Variants in SFMBT2 observed in about 807,000 individuals in gnomAD.
SFMBT2 encodes the protein scm-like with four MBT domains protein 2.
SFMBT2 carries 38 observed loss-of-function variants against 110.1 expected under a neutral mutation model. The ratio of observed to expected loss-of-function variants is 0.35; its 90% confidence interval spans 0.27 to 0.45. The LOEUF (loss-of-function observed/expected upper bound fraction) is 0.45. Among genes scored for constraint, SFMBT2 ranks in the 20% least tolerant of loss-of-function variants. The pLI is 1.00. For missense variants in SFMBT2, 1,011 were observed against 1,094.9 expected, an observed-to-expected ratio of 0.92 and a Z score of 1.08; for synonymous variants, 425 against 425.4, an observed-to-expected ratio of 1.00 and a Z score of 0.01.
At chr10:7,374,849 G>GT (rs1200841893) in intron 2 of SFMBT2, among the ~76,000 whole-genome samples, 2 of 152,130 alleles carry the variant, frequency 1.3e-5, no homozygotes, top group African/African-American at 4.8e-5. Flanking sequence ...AATGGGTCAC[G>GT]TACAACCCTT....
chr10:7,352,710 C>G (rs553997298), intron 4 of SFMBT2, among the ~76,000 whole-genome samples: 7 of 152,246 alleles, frequency 4.6e-5, no homozygotes, highest in South Asian at 4.1e-4. Flanking sequence ...AAATGGCCAA[C>G]AAATAAATAA....
chr10:7,242,380 G>A (rs763666004), intron 9 of SFMBT2, among the ~76,000 whole-genome samples: 7 of 152,136 alleles, frequency 4.6e-5, no homozygotes, highest in Non-Finnish European at 8.8e-5. Flanking sequence ...ACAGTCCCAG[G>A]ACCCAAGCTC....
intron 4 of SFMBT2, among the ~76,000 whole-genome samples, chr10:7,332,898 G>A (rs1487839307): frequency 6.6e-6 from 1 of 152,206 alleles, no homozygotes; most frequent in Non-Finnish European, 1.5e-5. Context: ...ACGGACTCTT[G>A]CTCTGTTGCC....
intron 11 of SFMBT2, among the ~76,000 whole-genome samples, chr10:7,213,857 G>A (rs1055572261): frequency 3.3e-5 from 5 of 152,222 alleles, no homozygotes; most frequent in Admixed American, 6.5e-5. Context: ...TGTGCACAGC[G>A]TGACCGTCCA....
chr10:7,242,136 TC>T (rs1025178383), intron 9 of SFMBT2, among the ~76,000 whole-genome samples: 7 of 152,250 alleles, frequency 4.6e-5, no homozygotes, highest in African/African-American at 1.7e-4. Flanking sequence ...GCGAAGGACT[TC>T]CCACCTACTA....
intron 4 of SFMBT2, among the ~76,000 whole-genome samples, chr10:7,344,227 C>G (rs1844027704): frequency 1.3e-5 from 2 of 152,110 alleles, no homozygotes; most frequent in Admixed American, 1.3e-4. Flanking sequence ...AGGTGAGTTC[C>G]GTGTGGGTGG....
chr10:7,366,710 G>C (rs533221963), intron 4 of SFMBT2, among the ~76,000 whole-genome samples: 1 of 152,240 alleles, frequency 6.6e-6, no homozygotes, highest in Admixed American at 6.5e-5. Context: ...TTCTCACTTA[G>C]GGGATCAGAT....
chr10:7,364,858 G>A (rs575491325), intron 4 of SFMBT2, among the ~76,000 whole-genome samples: 1 of 152,334 alleles, frequency 6.6e-6, no homozygotes, highest in African/African-American at 2.4e-5. Context: ...GTGCAGAGTT[G>A]GGGATGGGGG....
rs906585046 is a variant in SFMBT2 at position 7,205,898 on chromosome 10, A to G, written c.1361T>C (p.Val454Ala). ...GLQTPVPEVI[V>A]DVESMDIFPV... Reference sequence around the variant, plus strand: ...GAAGATGTCCATGGATTCCACATCAACAATGACCTCTGGAACAGGAGTCTG... The same window carrying G: ...GAAGATGTCCATGGATTCCACATCAGCAATGACCTCTGGAACAGGAGTCTG... Residue 454 changes from valine (V) to alanine (A), a missense_variant, in exon 12 of 21, where the codon GTT becomes GCT. By Grantham distance (64) the Val-to-Ala change is moderately conservative (BLOSUM62 0). Around this residue, in one of 2 missense-constraint regions of SFMBT2, gnomAD observed 979 missense variants for 1,016.1 expected, o/e 0.96. Coordinates refer to ENST00000397167, the MANE Select transcript of SFMBT2 (RefSeq NM_001387889.1). The G allele has an allele frequency of 1.1e-5, 17 of 1,613,994 alleles. No individual in the cohort carries two copies. The highest frequency in any genetic ancestry group is 1.4e-5 in the Non-Finnish European group (17 of 1,179,962).
intron 4 of SFMBT2, among the ~76,000 whole-genome samples, chr10:7,307,102 CT>C (rs1330948049): frequency 6.6e-6 from 1 of 152,098 alleles, no homozygotes; most frequent in Non-Finnish European, 1.5e-5. Context: ...TTTACATAAG[CT>C]TCAAAACACA....
chr10:7,259,428 C>G (rs1466994200), intron 7 of SFMBT2, among the ~76,000 whole-genome samples: 1 of 152,228 alleles, frequency 6.6e-6, no homozygotes, highest in Non-Finnish European at 1.5e-5. Context: ...CAGGGATGGT[C>G]AGCCTCAACA....
At chr10:7,179,391 G>GA (rs57497418) in intron 16 of SFMBT2, among the ~76,000 whole-genome samples, 2,688 of 70,148 alleles carry the variant, frequency 0.038, 198 homozygotes, top group African/African-American at 0.078. Context: ...TTGCATTTTC[G>GA]AAAAAAAAAA....
intron 14 of SFMBT2, among the ~76,000 whole-genome samples, chr10:7,198,858 TG>T: frequency 6.6e-6 from 1 of 152,072 alleles, no homozygotes; most frequent in East Asian, 2.0e-4. Flanking sequence ...CTGGCCAACA[TG>T]GTGAGACCTC....
chr10:7,205,956 G>A, intron 11 of SFMBT2, 28 bp from the exon 12 acceptor site: 6 of 1,612,492 alleles, frequency 3.7e-6, no homozygotes, highest in South Asian at 1.1e-5. Flanking sequence ...GAAACAAGAG[G>A]TACAAACAGA....
chr10:7,171,841 G>C lies in SFMBT2; in HGVS notation c.2415+54C>G. 7.3e-7 allele frequency: 1 copy of C among 1,371,088 alleles called. No individual in the cohort carries two copies. Among genetic ancestry groups the C allele is most frequent in the Non-Finnish European group, 9.4e-7 (1 of 1,062,532 alleles). 84.9% of individuals were successfully genotyped at this position (1,371,088 alleles called of 1,614,324 possible). A position where few individuals can be genotyped will look rare whatever the true frequency, so the allele number is the denominator to read the frequency against. ...ACATCGTGGCCCTGAAGTGTAACAG[G>C]TGTGCTTCTTCAGACCCAGCGGGAA... On this transcript the variant is annotated intron_variant, in intron 19 of 20. Coordinates refer to ENST00000397167, the MANE Select transcript of SFMBT2 (RefSeq NM_001387889.1). The surrounding 1 kb of genome is among the most constrained non-coding windows in gnomAD (Gnocchi z 4.9).
At chr10:7,297,738 GGAAGA>G (rs767335799) in intron 4 of SFMBT2, among the ~76,000 whole-genome samples, 5 of 152,182 alleles carry the variant, frequency 3.3e-5, no homozygotes, top group Non-Finnish European at 7.3e-5. Context: ...GCTTCAAATA[GGAAGA>G]GAAAACTGAA....
At chr10:7,226,120 C>T (rs1310710806) in intron 10 of SFMBT2, among the ~76,000 whole-genome samples, 4 of 152,164 alleles carry the variant, frequency 2.6e-5, no homozygotes, top group Admixed American at 6.5e-5. Context: ...GCGGAGAGCC[C>T]GGACTGGGAA....
rs1837474683 is a variant in SFMBT2 at position 7,158,645 on chromosome 10, T to A, written c.*5125A>T. 6.6e-6 allele frequency: 1 copy of A among 152,236 alleles called. No individual in the cohort carries two copies. Among genetic ancestry groups the A allele is most frequent in the Non-Finnish European group, 1.5e-5 (1 of 68,042 alleles). The allele number at this position is 152,236 out of a possible 1,614,324, so 9.4% of individuals were successfully genotyped here. A position where few individuals can be genotyped will look rare whatever the true frequency, so the allele number is the denominator to read the frequency against. On this transcript the variant is annotated 3_prime_UTR_variant, in exon 21 of 21. Coordinates refer to ENST00000397167, the MANE Select transcript of SFMBT2 (RefSeq NM_001387889.1). The stretch of plus-strand genomic sequence containing the variant: ...ACCATAGAATTTATTTTTACTTTAT[T>A]AACAATGTGGCTTACAATTTTTTTG...
intron 4 of SFMBT2, among the ~76,000 whole-genome samples, chr10:7,347,458 A>T (rs934350577): frequency 3.3e-5 from 5 of 152,220 alleles, no homozygotes; most frequent in Non-Finnish European, 7.3e-5. Context: ...AAAATCCCTC[A>T]GGAAAAGGGG....
Sources: allele counts gnomAD v4.1 joint callset (sites outside exome capture counted in the v4.1 genomes callset), GRCh38; gene constraint gnomAD v4.1.1; regional missense constraint gnomAD v4.1.1; non-coding constraint Gnocchi (gnomAD v3.1); transcripts MANE v1.5; gene names NCBI Gene and HGNC (gene_info 2026-07-23, HGNC 2026-07-21).